The following KIF5B variants were observed in gnomAD, a reference collection of about 807,000 sequenced individuals.
The protein encoded by KIF5B is kinesin family member 5B.
Under a neutral mutation model 132.8 loss-of-function variants are expected in KIF5B, and 49 were observed. The observed-to-expected ratio is 0.37, with a 90% CI of 0.29 to 0.47. KIF5B has a LOEUF of 0.47. Among genes scored for constraint, KIF5B ranks in the 20% least tolerant of loss-of-function variants. The pLI is 1.00. For synonymous variants in KIF5B, 355 were observed against 369.4 expected (o/e 0.96, Z 0.45); for missense variants, 780 against 1,144.0 (o/e 0.68, Z 4.59).
At chr10:32,034,078 TCTAAAG>T in intron 11 of KIF5B, 40 bp from the exon 12 acceptor site, 1 of 1,271,446 alleles carries the variant, frequency 7.9e-7, no homozygotes, top group Admixed American at 2.6e-5. Context: ...AAAAACGACG[TCTAAAG>T]CTAATTTCAA....
intron 14 of KIF5B, among the ~76,000 whole-genome samples, 197 bp downstream of exon 14, chr10:32,030,876 C>A (rs1320175260): frequency 1.3e-5 from 2 of 152,208 alleles, no homozygotes; most frequent in South Asian, 4.1e-4. Context: ...TATTAACAGA[C>A]CTTTAGGAAC....
intron 10 of KIF5B, 83 bp from the exon 11 acceptor site, chr10:32,034,921 C>T (rs1371306978): frequency 9.8e-7 from 1 of 1,023,558 alleles, no homozygotes; most frequent in Non-Finnish European, 1.3e-6. Context: ...GTATATATGG[C>T]TAAGAAACTT....
intron 24 of KIF5B, among the ~76,000 whole-genome samples, chr10:32,016,538 G>GT (rs1461415473): frequency 6.6e-6 from 1 of 151,708 alleles, no homozygotes; most frequent in Admixed American, 6.6e-5. Context: ...TTGTTTGTTT[G>GT]TTTTTTGAGA....
chr10:32,055,528 A>G (rs985783456), intron 1 of KIF5B, among the ~76,000 whole-genome samples: 4 of 152,002 alleles, frequency 2.6e-5, no homozygotes, highest in African/African-American at 9.7e-5. Flanking sequence ...GCACACACAC[A>G]CACACACACA....
Position 32,017,280 on chromosome 10 carries a change from T to C in KIF5B, c.2624A>G (p.Lys875Arg). Residue 875 changes from lysine (K) to arginine (R), a missense_variant, in exon 24 of 26, where the codon AAA becomes AGA. Transcript: ENST00000302418. ...TTCTTTCAGTGCTGATTCCAAAGCT[T>C]TCACTCTCTCAGCTGTAGCTCGAAG... Reference protein sequence around the residue: ...KRLRATAERVKALESALKEAK... With the variant: ...KRLRATAERVRALESALKEAK... 1 of 1,614,208 alleles carries C rather than the reference T, an allele frequency of 6.2e-7. No homozygotes were observed. The highest frequency in any genetic ancestry group is 8.5e-7 in the Non-Finnish European group (1 of 1,180,030).
intron 12 of KIF5B, 135 bp downstream of exon 12, chr10:32,033,710 A>T: frequency 1.8e-6 from 1 of 567,684 alleles, no homozygotes; most frequent in Non-Finnish European, 3.0e-6. Context: ...AATTTTTACA[A>T]GATTAACAGA....
chr10:32,010,471 G>T lies in KIF5B; in HGVS notation c.*1066C>A, dbSNP rs1841062387. 6.6e-6 allele frequency: 1 copy of T among 151,934 alleles called. No individual in the cohort carries two copies. The highest frequency in any genetic ancestry group is 2.4e-5 in the African/African-American group (1 of 41,372). The allele number at this position is 151,934 out of a possible 1,614,324, so 9.4% of individuals were successfully genotyped here. ...GTGTAGCAGGTTAAAAACACCTCAG[G>T]GATTTCAGACCAAAATTGACCTATA... On this transcript the variant is annotated 3_prime_UTR_variant, in exon 26 of 26. Transcript: ENST00000302418.
intron 1 of KIF5B, 75 bp downstream of exon 1, chr10:32,055,773 C>A: frequency 1.3e-6 from 2 of 1,567,028 alleles, no homozygotes; most frequent in South Asian, 2.3e-5. Context: ...ATTCTGCACC[C>A]TGCCACTTCC....
Position 32,037,284 on chromosome 10 carries a change from A to C in KIF5B, c.681T>G (p.Leu227=), listed in dbSNP as rs781401374. Residue 227 remains leucine, a synonymous_variant, in exon 8 of 26, where the codon CTT becomes CTG. Coordinates refer to ENST00000302418, the MANE Select transcript of KIF5B (RefSeq NM_004521.3). The part of the protein sequence containing the change: ...TQTEQKLSGK[L]YLVDLAGSEK... ...CACTACCAGCTAAATCAACCAGATAAAGTTTTCCACTCAGCTTTTGTTCCG... is the reference window on the plus strand; with the variant it reads ...CACTACCAGCTAAATCAACCAGATACAGTTTTCCACTCAGCTTTTGTTCCG... The C allele has an allele frequency of 6.2e-7, 1 of 1,613,798 alleles. No individual in the cohort carries two copies. Among genetic ancestry groups the C allele is most frequent in the Non-Finnish European group, 8.5e-7 (1 of 1,179,892 alleles).
chr10:32,021,160 A>G (rs1233804304), intron 18 of KIF5B, 29 bp from the exon 19 acceptor site: 2 of 1,605,490 alleles, frequency 1.2e-6, no homozygotes, highest in Non-Finnish European at 8.5e-7. Context: ...AAAGGATGTT[A>G]AAGTCAGACT....
chr10:32,022,009 A>C (rs966500498), intron 17 of KIF5B, 131 bp downstream of exon 17: 1 of 583,622 alleles, frequency 1.7e-6, no homozygotes, highest in Admixed American at 3.1e-5. Flanking sequence ...AGCAACATTA[A>C]TATGTATGAT....
Position 32,043,305 on chromosome 10 carries a change from C to G in KIF5B, c.215-2848G>C, listed in dbSNP as rs531030429. Among the ~76,000 whole-genome samples the G allele has an allele frequency of 3.9e-5, 6 of 152,196 alleles. No homozygotes were observed. The East Asian group carries it at 1.2e-3, about 29-fold the overall frequency. On this transcript the variant is annotated intron_variant, in intron 2 of 25. Coordinates refer to ENST00000302418, the MANE Select transcript of KIF5B (RefSeq NM_004521.3). Reference sequence around the variant, plus strand: ...GGCGTGAGCCACTGCGCCCAGCCCGCACTGTACTATTATTAGTCCCATTTT... The same window carrying G: ...GGCGTGAGCCACTGCGCCCAGCCCGGACTGTACTATTATTAGTCCCATTTT...
chr10:32,043,830 G>A (rs1841575203), intron 2 of KIF5B, among the ~76,000 whole-genome samples: 1 of 152,106 alleles, frequency 6.6e-6, no homozygotes, highest in African/African-American at 2.4e-5. Flanking sequence ...GGGACCCAGA[G>A]AGTACTATCT....
rs370037346 is a variant in KIF5B, at chr10:32,037,332, A to G, written c.633T>C (p.Asn211=). The G allele has an allele frequency of 7.3e-5, 118 of 1,612,880 alleles. 1 individual carries two copies. The Middle Eastern group carries it at 9.9e-4, about 13-fold the overall frequency. ...SSRSHSIFLI[N]VKQENTQTEQ... is the part of the protein sequence containing the mutation. ...CCGTTTGTGTGTTCTCTTGTTTGACATTAATAAGAAATATACTGTGACTCC... is the reference window on the plus strand; with the variant it reads ...CCGTTTGTGTGTTCTCTTGTTTGACGTTAATAAGAAATATACTGTGACTCC... The change falls in exon 8 of 26, where the codon AAT becomes AAC. Residue 211 remains asparagine, a synonymous_variant. Coordinates refer to ENST00000302418, the MANE Select transcript of KIF5B (RefSeq NM_004521.3).
intron 1 of KIF5B, among the ~76,000 whole-genome samples, chr10:32,051,772 G>A (rs1001738976): frequency 6.6e-6 from 1 of 152,102 alleles, no homozygotes; most frequent in African/African-American, 2.4e-5. Context: ...ACTGACTCTG[G>A]CTTCCTGGAA....
chr10:32,034,375 G>C (rs1459428398), intron 11 of KIF5B, among the ~76,000 whole-genome samples: 3 of 152,114 alleles, frequency 2.0e-5, no homozygotes, highest in African/African-American at 7.2e-5. Context: ...GCCTCCCAAA[G>C]TGCTAGGATT....
chr10:32,048,626 A>G, intron 1 of KIF5B, 75 bp from the exon 2 acceptor site: 1 of 1,013,124 alleles, frequency 9.9e-7, no homozygotes, highest in Non-Finnish European at 1.5e-6. Context: ...AGATGCCATC[A>G]TATAATATAT....
intron 25 of KIF5B, among the ~76,000 whole-genome samples, chr10:32,012,081 G>C (rs1013285696): frequency 6.6e-6 from 1 of 152,174 alleles, no homozygotes; most frequent in Non-Finnish European, 1.5e-5. Flanking sequence ...CAAGGCAGAA[G>C]ACTAGTCATG....
At chr10:32,026,793 T>C (rs1048951191) in intron 15 of KIF5B, among the ~76,000 whole-genome samples, 4 of 152,128 alleles carry the variant, frequency 2.6e-5, no homozygotes, top group Admixed American at 1.3e-4. Flanking sequence ...TTCTGCGATA[T>C]GAAATAAATG....
Sources: allele counts gnomAD v4.1 joint callset (sites outside exome capture counted in the v4.1 genomes callset), GRCh38; gene constraint gnomAD v4.1.1; transcripts MANE v1.5; gene names NCBI Gene and HGNC (gene_info 2026-07-23, HGNC 2026-07-21).